Variants in SLC41A3 observed in about 807,000 individuals in gnomAD.
SLC41A3 encodes the protein solute carrier family 41 member 3, also known as SLC41A1-like 2.
Under a neutral mutation model 45.4 loss-of-function variants are expected in SLC41A3, and 44 were observed. The observed-to-expected ratio is 0.97, with a 90% confidence interval of 0.76 to 1.25. SLC41A3 has a LOEUF of 1.25. Ranked by LOEUF, SLC41A3 falls within the 50% of genes most tolerant of loss-of-function variation. SLC41A3 has a pLI of 0.00. For synonymous variants in SLC41A3, 256 were observed against 252.4 expected (o/e 1.01, Z -0.13); for missense variants, 550 against 600.6 (o/e 0.92, Z 0.88).
intron 2 of SLC41A3, among the ~76,000 whole-genome samples, chr3:126,065,280 G>A (rs186939904): frequency 6.6e-6 from 1 of 152,228 alleles, no homozygotes; most frequent in Non-Finnish European, 1.5e-5. Flanking sequence ...AGAACTATGA[G>A]CTAATCAATG....
chr3:126,046,002 A>C (rs560754744), intron 3 of SLC41A3, among the ~76,000 whole-genome samples: 11 of 151,932 alleles, frequency 7.2e-5, no homozygotes, highest in African/African-American at 2.2e-4. Flanking sequence ...GGGAAAAAAA[A>C]CCACATGATG....
intron 6 of SLC41A3, among the ~76,000 whole-genome samples, chr3:126,017,518 T>C (rs890304412): frequency 1.3e-5 from 2 of 152,194 alleles, no homozygotes; most frequent in Non-Finnish European, 2.9e-5. Flanking sequence ...CAGTCACTGC[T>C]GCGGGGGCCC....
intron 3 of SLC41A3, among the ~76,000 whole-genome samples, chr3:126,041,548 A>C (rs931091116): frequency 1.7e-4 from 26 of 152,244 alleles, no homozygotes; most frequent in African/African-American, 6.0e-4. Context: ...AGATACTGAA[A>C]GTATAACTTC....
At chr3:126,037,339 A>G (rs1380094680) in intron 3 of SLC41A3, among the ~76,000 whole-genome samples, 1 of 152,204 alleles carries the variant, frequency 6.6e-6, no homozygotes, top group African/African-American at 2.4e-5. Context: ...AGAAGACAGG[A>G]AGATAAGGGA....
chr3:126,017,956 C>T (rs1342989943), intron 6 of SLC41A3, among the ~76,000 whole-genome samples: 1 of 152,206 alleles, frequency 6.6e-6, no homozygotes, highest in Non-Finnish European at 1.5e-5. Context: ...GCAGAAGCAT[C>T]ACCTTATACG....
Position 126,026,745 on chromosome 3 carries a change from C to G in SLC41A3, c.454-266G>C, listed in dbSNP as rs980864689. ...TCAAGAGCAGAATCTATTTCTCCAT[C>G]ATCTGCTCAGGCTTTGGTCAGGGGC... On this transcript the variant is annotated intron_variant, in intron 4 of 10. Transcript: ENST00000360370. This position sits in a 1 kb window ranked among gnomAD's most constrained non-coding sequence, Gnocchi z 4.2. Among the ~76,000 whole-genome samples, 1 of 152,232 alleles carries G rather than the reference C, an allele frequency of 6.6e-6. No homozygotes were observed. The highest frequency in any genetic ancestry group is 2.4e-5 in the African/African-American group (1 of 41,460).
At position 126,015,504 on chromosome 3, in the gene SLC41A3, G is replaced by C; in HGVS notation, c.960C>G (p.Pro320=). ...QQYKGMAIFT[P]VICGVGGNLV... ...CCTTCAAATACGTACCACATATGAC[G>C]GGGGTAAATATCGCCATGCCTTTGT... The change falls in exon 8 of 11, where the codon CCC becomes CCG. Residue 320 remains proline, a synonymous_variant. Coordinates refer to ENST00000360370, the MANE Select transcript of SLC41A3 (RefSeq NM_017836.4). 1 of 1,614,174 alleles carries C rather than the reference G, an allele frequency of 6.2e-7. No homozygotes were observed. Among genetic ancestry groups the C allele is most frequent in the Non-Finnish European group, 8.5e-7 (1 of 1,179,998 alleles).
chr3:126,067,552 C>A, intron 2 of SLC41A3: 1 of 446,788 alleles, frequency 2.2e-6, no homozygotes, highest in South Asian at 1.6e-5. Flanking sequence ...ACCAATGCTG[C>A]CAACACCTTG....
chr3:126,073,321 C>T (rs1047569486), intron 1 of SLC41A3: 2 of 152,192 alleles, frequency 1.3e-5, no homozygotes, highest in African/African-American at 4.8e-5. Context: ...CCTGTAGTCC[C>T]AGCTACTCAG....
chr3:126,060,105 G>C (rs1230306395), intron 2 of SLC41A3, among the ~76,000 whole-genome samples: 1 of 152,208 alleles, frequency 6.6e-6, no homozygotes, highest in Non-Finnish European at 1.5e-5. Context: ...TTACAAAAAT[G>C]TTTCTCAAAT....
chr3:126,049,916 T>C (rs1254646557), intron 3 of SLC41A3, among the ~76,000 whole-genome samples: 2 of 152,206 alleles, frequency 1.3e-5, no homozygotes, highest in African/African-American at 4.8e-5. Flanking sequence ...TGGCCCTTCC[T>C]CTGTCGTCAA....
chr3:126,028,423 C>T (rs1328081707), intron 4 of SLC41A3, among the ~76,000 whole-genome samples: 3 of 152,258 alleles, frequency 2.0e-5, no homozygotes, highest in Admixed American at 1.3e-4. Flanking sequence ...TGGTTCCATC[C>T]ACATGTGTTA....
intron 1 of SLC41A3, among the ~76,000 whole-genome samples, chr3:126,069,957 G>A (rs932274305): frequency 2.6e-5 from 4 of 151,490 alleles, no homozygotes; most frequent in African/African-American, 9.7e-5. Flanking sequence ...AAAGAATAAA[G>A]AAAAAGAAAC....
intron 1 of SLC41A3, among the ~76,000 whole-genome samples, chr3:126,073,668 C>G (rs114151611): frequency 6.6e-6 from 1 of 151,746 alleles, no homozygotes; most frequent in East Asian, 1.9e-4. Flanking sequence ...AATACTGACT[C>G]GTGAAGAAAT....
intron 2 of SLC41A3, among the ~76,000 whole-genome samples, chr3:126,065,054 C>T (rs1434568961): frequency 6.6e-6 from 1 of 152,196 alleles, no homozygotes; most frequent in Non-Finnish European, 1.5e-5. Flanking sequence ...AAGTGCAGCC[C>T]CTGGCTGATA....
upstream of SLC41A3, among the ~76,000 whole-genome samples, chr3:126,086,119 C>G (rs182066271): frequency 9.9e-5 from 15 of 152,228 alleles, no homozygotes; most frequent in Non-Finnish European, 2.1e-4. Context: ...AGGTGGGAAA[C>G]AAATGATCTA....
chr3:126,019,518 G>C (rs761387779), intron 6 of SLC41A3, among the ~76,000 whole-genome samples: 1 of 152,110 alleles, frequency 6.6e-6, no homozygotes, highest in African/African-American at 2.4e-5. Flanking sequence ...TCAAAAGCCC[G>C]AAGTCCAGAG....
At chr3:126,014,618 C>A (rs779749660) in intron 8 of SLC41A3, among the ~76,000 whole-genome samples, 1 of 152,208 alleles carries the variant, frequency 6.6e-6, no homozygotes, top group Non-Finnish European at 1.5e-5. Flanking sequence ...GGTGAGGACA[C>A]GCTGGGTGGC....
At chr3:126,052,841 C>T (rs1310965197) in intron 2 of SLC41A3, among the ~76,000 whole-genome samples, 1 of 152,216 alleles carries the variant, frequency 6.6e-6, no homozygotes, top group Non-Finnish European at 1.5e-5. Context: ...TTTCTCCTCA[C>T]ACCCTCTCCC....
Sources: gnomAD v4.1 joint callset for allele counts (sites outside exome capture counted in the v4.1 genomes callset) on GRCh38, gnomAD v4.1.1 for gene constraint, Gnocchi (gnomAD v3.1) non-coding constraint, MANE v1.5 for transcripts, NCBI Gene and HGNC (gene_info 2026-07-23, HGNC 2026-07-21) for gene names.